Variants in GNB1 observed in about 807,000 individuals in gnomAD.
GNB1 encodes G protein subunit beta 1.
A neutral mutation model predicts 42.9 loss-of-function variants in GNB1; 2 were observed. That is an observed-to-expected ratio of 0.05 (90% CI 0.02 to 0.15). The LOEUF (loss-of-function observed/expected upper bound fraction) is 0.15, where lower values mean the gene tolerates loss of function less well. Among genes scored for constraint, GNB1 ranks in the 10% least tolerant of loss-of-function variants. The pLI is 1.00. For missense variants in GNB1, 193 were observed against 462.2 expected (o/e 0.42, Z 5.34); for synonymous variants, 183 against 174.7 (o/e 1.05, Z -0.38).
intron 1 of GNB1, among the ~76,000 whole-genome samples, chr1:1,880,407 T>G (rs1005175831): frequency 6.6e-6 from 1 of 151,598 alleles, no homozygotes; most frequent in African/African-American, 2.4e-5. Context: ...GAGACCACGG[T>G]GAAACCCCGC....
chr1:1,786,098 T>C lies in GNB1; in HGVS notation c.*965A>G, dbSNP rs141773285. ...TAACTTAGAAAGTCTGAGATCATTA[T>C]TTTCAAAACATTGATTTGTACATTG... On this transcript the variant is annotated 3_prime_UTR_variant, in exon 12 of 12. Transcript: ENST00000378609. The C allele has an allele frequency of 1.8e-5, 7 of 398,636 alleles. No individual in the cohort carries two copies. Among genetic ancestry groups the C allele is most frequent in the African/African-American group, 1.2e-4 (6 of 48,724 alleles). The allele number at this position is 398,636 out of a possible 1,614,324, so 24.7% of individuals were successfully genotyped here.
intron 1 of GNB1, among the ~76,000 whole-genome samples, chr1:1,867,191 TG>T (rs1229603165): frequency 9.2e-5 from 14 of 152,072 alleles, no homozygotes; most frequent in Admixed American, 6.6e-4. Flanking sequence ...TGCTTGAACC[TG>T]GGAGGCAGAG....
At chr1:1,863,665 T>C (rs1648752152) in intron 1 of GNB1, among the ~76,000 whole-genome samples, 1 of 152,220 alleles carries the variant, frequency 6.6e-6, no homozygotes, top group Non-Finnish European at 1.5e-5. Flanking sequence ...AAATAGCTCA[T>C]TTTGAGATCT....
intron 1 of GNB1, among the ~76,000 whole-genome samples, chr1:1,862,022 G>A (rs376805851): frequency 6.6e-6 from 1 of 151,850 alleles, no homozygotes; most frequent in Admixed American, 6.6e-5. Context: ...AGCTGAGATC[G>A]CACCACTGCA....
At chr1:1,814,542 T>C (rs953981100) in intron 5 of GNB1, among the ~76,000 whole-genome samples, 1 of 152,126 alleles carries the variant, frequency 6.6e-6, no homozygotes, top group Non-Finnish European at 1.5e-5. Flanking sequence ...CTCACACCTA[T>C]AATCTCAGCA....
intron 1 of GNB1, among the ~76,000 whole-genome samples, chr1:1,839,990 A>G (rs899539748): frequency 6.6e-6 from 1 of 151,064 alleles, no homozygotes; most frequent in Non-Finnish European, 1.5e-5. Flanking sequence ...TAAAAATTAA[A>G]TGTTTTTAAT....
rs144895134 is a variant in GNB1 at position 1,828,687 on chromosome 1, C to A, written c.-46-3188G>T. On this transcript the variant is annotated intron_variant, in intron 2 of 11. Transcript: ENST00000378609. ...TAATAGCAGAAATTATTATAGCACT[C>A]TGCTGTGCCAACATTTGAGTTTCAA... Among the ~76,000 whole-genome samples the A allele has an allele frequency of 2.3e-3, 347 of 152,298 alleles. 2 individuals carry two copies. The highest frequency in any genetic ancestry group is 7.6e-3 in the African/African-American group (316 of 41,556).
Position 1,787,276 on chromosome 1 carries a change from C to A in GNB1, c.*9+46G>T. ...ACAACTTCAAATGTTCTATGAGAAA[C>A]ACGCACAGTTCTCCTCAGAGAAGGG... On this transcript the variant is annotated intron_variant, in intron 11 of 11. Transcript: ENST00000378609. The surrounding 1 kb of genome is among the most constrained non-coding windows in gnomAD (Gnocchi z 4.4). 1.1e-6 allele frequency: 1 copy of A among 917,802 alleles called. No homozygotes were observed. The highest frequency in any genetic ancestry group is 1.8e-6 in the Non-Finnish European group (1 of 561,828). The allele number at this position is 917,802 out of a possible 1,614,324, so 56.9% of individuals were successfully genotyped here. A position where few individuals can be genotyped will look rare whatever the true frequency, so the allele number is the denominator to read the frequency against.
intron 2 of GNB1, among the ~76,000 whole-genome samples, chr1:1,831,562 C>T (rs1036016342): frequency 6.6e-6 from 1 of 151,982 alleles, no homozygotes; most frequent in African/African-American, 2.4e-5. Context: ...GATTCTCCTT[C>T]CTCAGCTTCC....
At chr1:1,812,159 T>C (rs549418750) in intron 5 of GNB1, among the ~76,000 whole-genome samples, 1 of 151,500 alleles carries the variant, frequency 6.6e-6, no homozygotes, top group Non-Finnish European at 1.5e-5. Flanking sequence ...GCAGGAAATA[T>C]GAAGATTAAA....
chr1:1,874,451 T>C (rs1649420366), intron 1 of GNB1, among the ~76,000 whole-genome samples: 2 of 150,340 alleles, frequency 1.3e-5, no homozygotes, highest in Non-Finnish European at 3.0e-5. Context: ...TCTACCAAAG[T>C]ACAGAGAAAG....
chr1:1,807,278 T>C (rs1222292202), intron 5 of GNB1, among the ~76,000 whole-genome samples: 2 of 151,466 alleles, frequency 1.3e-5, no homozygotes, highest in Non-Finnish European at 2.9e-5. Context: ...CATGCTAGCA[T>C]GGTAAAATCC....
chr1:1,809,445 C>T (rs1646746231), intron 5 of GNB1, among the ~76,000 whole-genome samples: 1 of 152,186 alleles, frequency 6.6e-6, no homozygotes, highest in African/African-American at 2.4e-5. Flanking sequence ...GCCACCGCAC[C>T]CAGCCTTCAG....
intron 2 of GNB1, among the ~76,000 whole-genome samples, chr1:1,837,647 C>A (rs1647171055): frequency 6.6e-6 from 1 of 151,972 alleles, no homozygotes; most frequent in Admixed American, 6.6e-5. Flanking sequence ...GCAACCTCTG[C>A]CTCCTGGGTT....
At position 1,804,555 on chromosome 1, in the gene GNB1, G is replaced by A. The variant is rs746909946; in HGVS notation, c.294C>T (p.Ser98=). The stretch of plus-strand genomic sequence containing the variant: ...GGGCATATGCACAGGTCATGACCCA[G>A]GAGGAGCGCAGAGGGATGGCGTGGA... ...NKVHAIPLRS[S]WVMTCAYAPS... The change falls in exon 7 of 12, where the codon TCC becomes TCT. Residue 98 remains serine, a synonymous_variant. Transcript: ENST00000378609. The A allele has an allele frequency of 1.2e-6, 2 of 1,612,142 alleles. No individual in the cohort carries two copies. Among genetic ancestry groups the A allele is most frequent in the Non-Finnish European group, 8.5e-7 (1 of 1,178,854 alleles).
chr1:1,850,132 A>ATT (rs752020814), intron 1 of GNB1, among the ~76,000 whole-genome samples: 1 of 143,368 alleles, frequency 7.0e-6, no homozygotes, highest in African/African-American at 2.5e-5. Context: ...CACCCAGCTA[A>ATT]TTTTTTTTTT....
At chr1:1,824,689 T>C (rs1262783254) in intron 3 of GNB1, among the ~76,000 whole-genome samples, 2 of 152,006 alleles carry the variant, frequency 1.3e-5, no homozygotes, top group African/African-American at 2.4e-5. Flanking sequence ...TCTCTGACTT[T>C]AGCCTCCTGA....
intron 3 of GNB1, among the ~76,000 whole-genome samples, chr1:1,823,535 G>C (rs563834567): frequency 2.0e-5 from 3 of 152,226 alleles, no homozygotes; most frequent in Middle Eastern, 3.4e-3. Context: ...GAACACATTT[G>C]ATTAATTTTG....
chr1:1,787,115 A>G lies in GNB1; in HGVS notation c.*10-62T>C. On this transcript the variant is annotated intron_variant, in intron 11 of 11. Transcript: ENST00000378609. The surrounding 1 kb of genome is among the most constrained non-coding windows in gnomAD (Gnocchi z 4.4). ...GCAGAGAATCTAAGTGCAGACGCACAGCCAGGTCACTGCTCTTCCCATCAC... is the reference window on the plus strand; with the variant it reads ...GCAGAGAATCTAAGTGCAGACGCACGGCCAGGTCACTGCTCTTCCCATCAC... 2.2e-6 allele frequency: 1 copy of G among 448,324 alleles called. No individual in the cohort carries two copies. The highest frequency in any genetic ancestry group is 2.9e-5 in the South Asian group (1 of 33,970). The allele number at this position is 448,324 out of a possible 1,614,324, so 27.8% of individuals were successfully genotyped here.
Sources: allele counts gnomAD v4.1 joint callset (sites outside exome capture counted in the v4.1 genomes callset), GRCh38; gene constraint gnomAD v4.1.1; non-coding constraint Gnocchi (gnomAD v3.1); transcripts MANE v1.5; gene names NCBI Gene and HGNC (gene_info 2026-07-23, HGNC 2026-07-21).